The following IQGAP2 variants were observed in gnomAD, a reference collection of about 807,000 sequenced individuals.
IQGAP2 encodes the protein ras GTPase-activating-like protein IQGAP2.
A neutral mutation model predicts 201.3 loss-of-function variants in IQGAP2; 173 were observed. The observed-to-expected ratio is 0.86, with a 90% confidence interval of 0.76 to 0.98. IQGAP2 has a LOEUF of 0.98. Ranked by LOEUF, IQGAP2 falls within the 50% of genes least tolerant of loss-of-function variation. IQGAP2 has a pLI of 0.00. For synonymous variants in IQGAP2, 675 were observed against 673.9 expected, an observed-to-expected ratio of 1.00 and a Z score of -0.03; for missense variants, 1,687 against 1,864.8, an observed-to-expected ratio of 0.90 and a Z score of 1.76.
At chr5:76,592,126 T>G (rs1393435504) in intron 8 of IQGAP2, among the ~76,000 whole-genome samples, 3 of 152,202 alleles carry the variant, frequency 2.0e-5, no homozygotes, top group African/African-American at 7.2e-5. Flanking sequence ...CCAATCCCTC[T>G]TAAAGCTAGA....
Position 76,461,589 on chromosome 5 carries a change from G to C in IQGAP2, c.66G>C (p.Arg22Ser), listed in dbSNP as rs757057258. The C allele has an allele frequency of 1.2e-6, 2 of 1,613,502 alleles. No individual in the cohort carries two copies. Among genetic ancestry groups the C allele is most frequent in the African/African-American group, 1.3e-5 (1 of 74,970 alleles). ...PRYGSIVDDE[R>S]LSAEEMDERR... Reference sequence around the variant, plus strand: ...TTCTAGCTATTGTGGACGATGAAAGGCTCTCTGCAGAGGAGATGGATGAGA... The same window carrying C: ...TTCTAGCTATTGTGGACGATGAAAGCCTCTCTGCAGAGGAGATGGATGAGA... The change falls in exon 2 of 36, where the codon AGG (arginine) becomes AGC (serine). Residue 22 changes from arginine to serine, a missense_variant. Physicochemically the swap from Arg to Ser is moderately radical, Grantham distance 110. Coordinates refer to ENST00000274364, the MANE Select transcript of IQGAP2 (RefSeq NM_006633.5).
In IQGAP2 at chr5:76,631,950, A is replaced by G; in HGVS notation, c.1704A>G (p.Ala568=). 6.2e-7 allele frequency: 1 copy of G among 1,612,982 alleles called. No individual in the cohort carries two copies. The change falls in exon 15 of 36, where the codon GCA becomes GCG. Residue 568 remains alanine, a synonymous_variant. Transcript: ENST00000274364. ...TATTGAAGTCTTCCACTTCTAATGC[A>G]AATGACATAATCCCGGAGTGTGCTG... ...LSVLKSSTSN[A]NDIIPECADK... is the part of the protein sequence containing the mutation.
At position 76,403,431 on chromosome 5, in the gene IQGAP2, G is replaced by A; in HGVS notation, c.-115G>A. On this transcript the variant is annotated 5_prime_UTR_variant, in exon 1 of 36. Transcript: ENST00000274364. The surrounding 1 kb of genome is among the most constrained non-coding windows in gnomAD (Gnocchi z 4.8). Reference sequence around the variant, plus strand: ...GTCGCAGATCTTCGGGCGGCTAGGGGAAATCGGCGAGAGGCGGGATCCGAG... The same window carrying A: ...GTCGCAGATCTTCGGGCGGCTAGGGAAAATCGGCGAGAGGCGGGATCCGAG... 1 of 746,160 alleles carries A rather than the reference G, an allele frequency of 1.3e-6. No individual in the cohort carries two copies. The highest frequency in any genetic ancestry group is 1.9e-6 in the Non-Finnish European group (1 of 529,066). 46.2% of individuals were successfully genotyped at this position (746,160 alleles called of 1,614,324 possible). A position where few individuals can be genotyped will look rare whatever the true frequency, so the allele number is the denominator to read the frequency against.
chr5:76,552,116 A>G (rs1361688181), intron 2 of IQGAP2, among the ~76,000 whole-genome samples: 2 of 152,198 alleles, frequency 1.3e-5, no homozygotes, highest in Non-Finnish European at 2.9e-5. Flanking sequence ...TTTTTCTTGA[A>G]GGATAATACA....
At chr5:76,678,841 C>T (rs769772859) in intron 28 of IQGAP2, among the ~76,000 whole-genome samples, 3 of 152,172 alleles carry the variant, frequency 2.0e-5, no homozygotes, top group Non-Finnish European at 2.9e-5. Context: ...GAAACTAAAG[C>T]TTGAATGTAG....
chr5:76,703,151 G>T (rs1747564173), intron 35 of IQGAP2, among the ~76,000 whole-genome samples: 1 of 141,926 alleles, frequency 7.0e-6, no homozygotes, highest in African/African-American at 2.6e-5. Flanking sequence ...TTTTTGTGGG[G>T]GGAGGGGGTG....
chr5:76,546,454 C>A (rs1278716806), intron 2 of IQGAP2, among the ~76,000 whole-genome samples: 1 of 152,036 alleles, frequency 6.6e-6, no homozygotes, highest in Non-Finnish European at 1.5e-5. Flanking sequence ...AAACAATACA[C>A]CACTTTTTAT....
intron 2 of IQGAP2, among the ~76,000 whole-genome samples, chr5:76,463,928 A>G (rs1400163316): frequency 2.6e-5 from 4 of 151,534 alleles, no homozygotes; most frequent in Non-Finnish European, 4.4e-5. Context: ...GCTCACTGCA[A>G]CCTCTGCCTC....
At position 76,665,087 on chromosome 5, in the gene IQGAP2, A is replaced by G; in HGVS notation, c.2591A>G (p.Asn864Ser). 6.2e-7 allele frequency: 1 copy of G among 1,604,168 alleles called. No homozygotes were observed. Among genetic ancestry groups the G allele is most frequent in the Non-Finnish European group, 8.5e-7 (1 of 1,170,970 alleles). The stretch of plus-strand genomic sequence containing the variant: ...AAAGGAGGAGAAATGGAAATACTGA[A>G]TAACACCGACAACCAAGGAATAAAA... The part of the protein sequence containing the change: ...KKKGGEMEIL[N>S]NTDNQGIKSL... Residue 864 changes from asparagine to serine, a missense_variant, in exon 22 of 36, where the codon AAT becomes AGT. Physicochemically the swap from Asn to Ser is conservative, Grantham distance 46. Transcript: ENST00000274364.
At chr5:76,652,654 G>T (rs1752609672) in intron 17 of IQGAP2, 96 bp from the exon 18 acceptor site, 1 of 876,874 alleles carries the variant, frequency 1.1e-6, no homozygotes, top group African/African-American at 1.7e-5. Flanking sequence ...CAGTGTCCCA[G>T]CTCCATGCGG....
intron 2 of IQGAP2, among the ~76,000 whole-genome samples, chr5:76,547,242 A>T (rs7701807): frequency 1.3e-5 from 2 of 152,190 alleles, no homozygotes; most frequent in Non-Finnish European, 2.9e-5. Flanking sequence ...ACATAAGATA[A>T]CTGTAGTTTA....
chr5:76,531,356 C>T (rs1031776767), intron 2 of IQGAP2, among the ~76,000 whole-genome samples: 2 of 152,044 alleles, frequency 1.3e-5, no homozygotes, highest in Non-Finnish European at 2.9e-5. Flanking sequence ...AACTTCAAAC[C>T]CCTAGGCTCA....
intron 2 of IQGAP2, among the ~76,000 whole-genome samples, chr5:76,486,835 T>C (rs1246799650): frequency 6.6e-6 from 1 of 152,156 alleles, no homozygotes; most frequent in Non-Finnish European, 1.5e-5. Context: ...TTATAAGTAA[T>C]AAGTGAACTG....
chr5:76,546,029 T>C (rs1241380799), intron 2 of IQGAP2, among the ~76,000 whole-genome samples: 1 of 152,232 alleles, frequency 6.6e-6, no homozygotes, highest in Non-Finnish European at 1.5e-5. Flanking sequence ...AGATGCCCAA[T>C]AGGGAATTAT....
intron 4 of IQGAP2, among the ~76,000 whole-genome samples, chr5:76,572,341 G>A (rs34567739): frequency 0.13 from 19,117 of 151,752 alleles, 1,613 homozygotes; most frequent in Non-Finnish European, 0.19. Flanking sequence ...TCACTTACAG[G>A]CATGCACCAC....
In IQGAP2 at chr5:76,611,081, A is replaced by G; in HGVS notation, c.1419A>G (p.Leu473=). 2 of 1,613,902 alleles carry G rather than the reference A, an allele frequency of 1.2e-6. No individual in the cohort carries two copies. Among genetic ancestry groups the G allele is most frequent in the Non-Finnish European group, 1.7e-6 (2 of 1,179,774 alleles). ...AIDEGNPLRT[L]ETLLLPTANI... is the part of the protein sequence containing the mutation. ...ATGAAGGGAATCCTTTGAGGACTTT[A>G]GAAACTTTGCTCCTACCTACTGCGA... The change falls in exon 13 of 36, where the codon TTA becomes TTG. Residue 473 remains leucine (L), a synonymous_variant. Transcript: ENST00000274364.
chr5:76,659,761 A>G (rs1743091754), intron 21 of IQGAP2, among the ~76,000 whole-genome samples: 1 of 152,148 alleles, frequency 6.6e-6, no homozygotes, highest in South Asian at 2.1e-4. Flanking sequence ...CCTGCTCACT[A>G]GAAACCAAGA....
At chr5:76,485,175 C>T (rs533532872) in intron 2 of IQGAP2, among the ~76,000 whole-genome samples, 196 of 152,144 alleles carry the variant, frequency 1.3e-3, no homozygotes, top group African/African-American at 4.0e-3. Flanking sequence ...AGGTAGGGTG[C>T]GAATGGGCAC....
chr5:76,470,031 A>G (rs1213505888), intron 2 of IQGAP2, among the ~76,000 whole-genome samples: 1 of 152,148 alleles, frequency 6.6e-6, no homozygotes, highest in African/African-American at 2.4e-5. Flanking sequence ...CAGTCATCTC[A>G]CAGTTCACGT....
Sources: allele counts gnomAD v4.1 joint callset (sites outside exome capture counted in the v4.1 genomes callset), GRCh38; gene constraint gnomAD v4.1.1; non-coding constraint Gnocchi (gnomAD v3.1); transcripts MANE v1.5; gene names NCBI Gene and HGNC (gene_info 2026-07-23, HGNC 2026-07-21).